Variants in LINGO2 observed in about 807,000 individuals in gnomAD.
LINGO2 encodes the protein leucine-rich repeat and immunoglobulin-like domain-containing nogo receptor-interacting protein 2.
A neutral mutation model predicts 30.6 loss-of-function variants in LINGO2; 14 were observed. The observed-to-expected ratio is 0.46, with a 90% CI of 0.30 to 0.72. LINGO2 has a LOEUF of 0.72. LINGO2 is among the 30% of genes least tolerant of loss of function. The probability of loss-of-function intolerance (pLI) is 0.07; values close to 1 mark genes in which losing one functional copy is unlikely to be tolerated. For synonymous variants in LINGO2, 317 were observed against 288.5 expected, an observed-to-expected ratio of 1.10 and a Z score of -1.00; for missense variants, 729 against 751.7, an observed-to-expected ratio of 0.97 and a Z score of 0.35.
chr9:29,008,178 T>C, the LINGO2 span, among the ~76,000 whole-genome samples: 1 of 152,146 alleles, frequency 6.6e-6, no homozygotes, highest in South Asian at 2.1e-4. Context: ...CATGTGATGT[T>C]TGGTTTTCTG....
chr9:28,776,340 C>T, the LINGO2 span, among the ~76,000 whole-genome samples: 7 of 152,232 alleles, frequency 4.6e-5, no homozygotes, highest in African/African-American at 1.7e-4. Flanking sequence ...TGAACAAAAG[C>T]TTTATTTTAC....
the LINGO2 span, among the ~76,000 whole-genome samples, chr9:28,854,875 G>A: frequency 3.3e-5 from 5 of 151,902 alleles, no homozygotes; most frequent in Non-Finnish European, 7.4e-5. Context: ...GCTTGAGTTA[G>A]TAATAGAAAA....
At chr9:28,324,460 T>C (rs1825153703) in intron 3 of LINGO2, among the ~76,000 whole-genome samples, 1 of 152,070 alleles carries the variant, frequency 6.6e-6, no homozygotes, top group South Asian at 2.1e-4. Context: ...TTCTAAATCA[T>C]AGGATGAATA....
chr9:29,006,166 C>G, the LINGO2 span, among the ~76,000 whole-genome samples: 6 of 151,480 alleles, frequency 4.0e-5, no homozygotes, highest in Admixed American at 4.0e-4. Context: ...GATTTACTGA[C>G]AAGTACATAA....
chr9:28,891,264 C>A, the LINGO2 span, among the ~76,000 whole-genome samples: 129,257 of 151,814 alleles, frequency 0.85, 55,198 homozygotes, highest in Non-Finnish European at 0.89. Flanking sequence ...CTATGTGTGC[C>A]TCACATTATA....
intron 5 of LINGO2, among the ~76,000 whole-genome samples, chr9:27,981,553 A>G (rs1820868356): frequency 1.6e-5 from 2 of 123,224 alleles, no homozygotes; most frequent in African/African-American, 5.8e-5. Flanking sequence ...AAAAAAAAGA[A>G]AAAAAAGAAA....
At chr9:28,024,073 T>C (rs1823262436) in intron 4 of LINGO2, among the ~76,000 whole-genome samples, 1 of 152,168 alleles carries the variant, frequency 6.6e-6, no homozygotes, top group Non-Finnish European at 1.5e-5. Flanking sequence ...AATTTTTCAG[T>C]TTGCTCAGAT....
chr9:28,452,357 A>G (rs1210911853), intron 2 of LINGO2, among the ~76,000 whole-genome samples: 1 of 151,792 alleles, frequency 6.6e-6, no homozygotes, highest in Non-Finnish European at 1.5e-5. Flanking sequence ...GTCCCATGGG[A>G]TGTTAAACCA....
intron 4 of LINGO2, among the ~76,000 whole-genome samples, chr9:28,236,649 T>C (rs1399351504): frequency 6.6e-6 from 1 of 152,150 alleles, no homozygotes; most frequent in Non-Finnish European, 1.5e-5. Context: ...AAACATCACA[T>C]ATTCTCACTT....
At chr9:28,423,173 G>A (rs1012162729) in intron 2 of LINGO2, among the ~76,000 whole-genome samples, 2 of 152,042 alleles carry the variant, frequency 1.3e-5, no homozygotes, top group African/African-American at 4.8e-5. Flanking sequence ...GGTTAAGGTG[G>A]TAAATTTTAT....
chr9:28,471,182 G>C (rs909874919), intron 2 of LINGO2, among the ~76,000 whole-genome samples: 2 of 152,204 alleles, frequency 1.3e-5, no homozygotes, highest in African/African-American at 4.8e-5. Context: ...GAATACCTGA[G>C]ACTGAGCAAT....
At chr9:28,204,248 GCA>G (rs375837586) in intron 4 of LINGO2, among the ~76,000 whole-genome samples, 24 of 151,612 alleles carry the variant, frequency 1.6e-4, no homozygotes, top group African/African-American at 2.7e-4. Flanking sequence ...ACACGTGCAT[GCA>G]CACACACACA....
intron 5 of LINGO2, among the ~76,000 whole-genome samples, chr9:27,968,125 G>A (rs1820187281): frequency 1.3e-5 from 2 of 152,042 alleles, no homozygotes; most frequent in African/African-American, 4.8e-5. Flanking sequence ...TATGCAAAGT[G>A]GAGCTGGGGA....
intron 4 of LINGO2, among the ~76,000 whole-genome samples, chr9:28,235,073 A>G (rs921061967): frequency 1.3e-5 from 2 of 152,168 alleles, no homozygotes; most frequent in African/African-American, 4.8e-5. Flanking sequence ...GCAAGGTTTA[A>G]TACTGTGCTG....
At chr9:28,889,863 T>A in the LINGO2 span, among the ~76,000 whole-genome samples, 1 of 152,230 alleles carries the variant, frequency 6.6e-6, no homozygotes, top group Admixed American at 6.6e-5. Context: ...CAGGTGTTAG[T>A]CTTTGCAGTT....
the LINGO2 span, among the ~76,000 whole-genome samples, chr9:29,170,752 A>C: frequency 1.3e-5 from 2 of 152,138 alleles, no homozygotes; most frequent in Non-Finnish European, 2.9e-5. Flanking sequence ...GTTACTCAAC[A>C]AAATAAACTC....
intron 1 of LINGO2, among the ~76,000 whole-genome samples, chr9:28,519,469 T>C (rs1056026706): frequency 2.6e-5 from 4 of 152,208 alleles, no homozygotes; most frequent in African/African-American, 9.7e-5. Flanking sequence ...CTGAGCTATA[T>C]ATAGCTTTTA....
At chr9:28,407,864 A>G (rs986013921) in intron 2 of LINGO2, among the ~76,000 whole-genome samples, 5 of 152,146 alleles carry the variant, frequency 3.3e-5, no homozygotes, top group African/African-American at 1.2e-4. Context: ...GATTCACCCC[A>G]ATGAAGTCTT....
chr9:28,516,508 G>A (rs1271412282), intron 1 of LINGO2, among the ~76,000 whole-genome samples: 1 of 152,032 alleles, frequency 6.6e-6, no homozygotes, highest in Non-Finnish European at 1.5e-5. Flanking sequence ...TCCCTGCCTG[G>A]GTGTGATGAC....
Sources: gnomAD v4.1 joint callset for allele counts (sites outside exome capture counted in the v4.1 genomes callset) on GRCh38, gnomAD v4.1.1 for gene constraint, MANE v1.5 for transcripts, NCBI Gene and HGNC (gene_info 2026-07-23, HGNC 2026-07-21) for gene names.